Variants in TSPAN15 observed in about 807,000 individuals in gnomAD.
The protein encoded by TSPAN15 is tetraspanin-15.
TSPAN15 carries 20 observed loss-of-function variants against 34.5 expected under a neutral mutation model. That is an observed-to-expected ratio of 0.58 (90% CI 0.41 to 0.84). The LOEUF (loss-of-function observed/expected upper bound fraction) is 0.84, where lower values mean the gene tolerates loss of function less well. Ranked by LOEUF, TSPAN15 falls within the 40% of genes least tolerant of loss-of-function variation. The probability of loss-of-function intolerance (pLI) is 0.00; values close to 1 mark genes in which losing one functional copy is unlikely to be tolerated. For synonymous variants in TSPAN15, 155 were observed against 153.9 expected (o/e 1.01, Z -0.05); for missense variants, 313 against 386.1 (o/e 0.81, Z 1.59).
At chr10:69,517,090 C>A in the TSPAN15 span, among the ~76,000 whole-genome samples, 1 of 152,206 alleles carries the variant, frequency 6.6e-6, no homozygotes. Context: ...GCATCTAAGG[C>A]TTTCCAGGTG....
At chr10:69,510,434 A>G (rs1369655004), downstream of TSPAN15, among the ~76,000 whole-genome samples, 1 of 152,220 alleles carries the variant, frequency 6.6e-6, no homozygotes, top group Admixed American at 6.5e-5. Context: ...TTGTATCCTG[A>G]GACTTTGCTG....
the TSPAN15 span, among the ~76,000 whole-genome samples, chr10:69,533,356 G>GCATTCA: frequency 1.3e-5 from 2 of 152,214 alleles, no homozygotes; most frequent in Admixed American, 6.5e-5. Context: ...TGAATTAATG[G>GCATTCA]CATTCACAGC....
At chr10:69,502,045 G>A (rs1055438384) in intron 5 of TSPAN15, among the ~76,000 whole-genome samples, 1 of 146,088 alleles carries the variant, frequency 6.8e-6, no homozygotes, top group African/African-American at 2.5e-5. Context: ...CAGAAAGGTT[G>A]GAGACCACTG....
rs190094362 is a variant in TSPAN15, at chr10:69,488,963, C to T, written c.357+3748C>T. 3.7e-4 allele frequency among the ~76,000 whole-genome samples: 56 copies of T among 152,254 alleles called. 2 individuals are homozygous for T. In the East Asian group the frequency reaches 0.011, roughly 29 times the overall value. ...ATCTTAAACAACAGAAAACAGGGTT[C>T]GAGAGCAGAGAACCAGTCTGAACTC... On this transcript the variant is annotated intron_variant, in intron 3 of 7. Coordinates refer to ENST00000373290, the MANE Select transcript of TSPAN15 (RefSeq NM_012339.5).
the TSPAN15 span, among the ~76,000 whole-genome samples, chr10:69,515,199 G>C: frequency 1.3e-5 from 2 of 152,172 alleles, no homozygotes; most frequent in Admixed American, 1.3e-4. Context: ...CCTCTTATGA[G>C]TCTCAGTTGT....
intron 3 of TSPAN15, among the ~76,000 whole-genome samples, chr10:69,493,353 T>C (rs915129490): frequency 6.6e-6 from 1 of 152,194 alleles, no homozygotes; most frequent in Non-Finnish European, 1.5e-5. Flanking sequence ...ATCTCCTCTC[T>C]TCTCTTGGGG....
the TSPAN15 span, among the ~76,000 whole-genome samples, chr10:69,536,425 C>G: frequency 1.3e-5 from 2 of 152,142 alleles, no homozygotes; most frequent in African/African-American, 2.4e-5. Context: ...GGTGCCTGTC[C>G]CCAAGGGTTT....
At chr10:69,539,467 A>AAGAAGAAGG in the TSPAN15 span, among the ~76,000 whole-genome samples, 1 of 54,570 alleles carries the variant, frequency 1.8e-5, no homozygotes, top group African/African-American at 8.2e-5. Context: ...GAAGAAGGAG[A>AAGAAGAAGG]AGGAGAAGGA....
chr10:69,485,680 G>A (rs1364793558), intron 3 of TSPAN15, among the ~76,000 whole-genome samples: 1 of 152,152 alleles, frequency 6.6e-6, no homozygotes, highest in Non-Finnish European at 1.5e-5. Flanking sequence ...TATGTGGGAA[G>A]CGATGTGACC....
intron 3 of TSPAN15, among the ~76,000 whole-genome samples, chr10:69,494,413 C>T (rs895311028): frequency 1.3e-5 from 2 of 152,224 alleles, no homozygotes; most frequent in Non-Finnish European, 2.9e-5. Flanking sequence ...ATTTAAATCT[C>T]ACAACATCCC....
chr10:69,477,053 G>A (rs949354133), intron 1 of TSPAN15, among the ~76,000 whole-genome samples: 1 of 152,144 alleles, frequency 6.6e-6, no homozygotes, highest in Non-Finnish European at 1.5e-5. Context: ...GGGGATGTGG[G>A]AGAGAAGACT....
chr10:69,516,868 C>T, the TSPAN15 span, among the ~76,000 whole-genome samples: 1 of 152,110 alleles, frequency 6.6e-6, no homozygotes, highest in Admixed American at 6.5e-5. Context: ...GTGCCTGGGA[C>T]ATAAGGGGTG....
At chr10:69,540,529 G>A in the TSPAN15 span, among the ~76,000 whole-genome samples, 2 of 152,142 alleles carry the variant, frequency 1.3e-5, no homozygotes, top group African/African-American at 2.4e-5. Context: ...CATGAATTAC[G>A]AGATGAGGTC....
chr10:69,541,155 C>T, the TSPAN15 span, among the ~76,000 whole-genome samples: 3 of 152,128 alleles, frequency 2.0e-5, no homozygotes, highest in Non-Finnish European at 4.4e-5. Flanking sequence ...CCATGTCAAT[C>T]AGACAGTGAC....
chr10:69,493,470 CTTTTTTTTT>C (rs5785919), intron 3 of TSPAN15, among the ~76,000 whole-genome samples: 6 of 118,796 alleles, frequency 5.1e-5, no homozygotes, highest in South Asian at 2.8e-4. Flanking sequence ...AGCCCATCTC[CTTTTTTTTT>C]TTTTTTTTTT....
intron 6 of TSPAN15, chr10:69,505,900 G>A (rs1842315026): frequency 9.4e-6 from 4 of 424,888 alleles, no homozygotes; most frequent in Admixed American, 3.8e-5. Flanking sequence ...CTCGTTTGCT[G>A]GGGCAACCAA....
chr10:69,508,598 G>A (rs919428230), downstream of TSPAN15, among the ~76,000 whole-genome samples: 3 of 152,154 alleles, frequency 2.0e-5, no homozygotes, highest in African/African-American at 7.2e-5. Context: ...GTGTAAGAAG[G>A]GGCAGGAGGA....
At chr10:69,472,809 T>G (rs1254248057) in intron 1 of TSPAN15, among the ~76,000 whole-genome samples, 1 of 152,240 alleles carries the variant, frequency 6.6e-6, no homozygotes, top group Non-Finnish European at 1.5e-5. Flanking sequence ...CATTGTGAAC[T>G]GGCTTGGGCC....
At chr10:69,464,339 C>T (rs184361580) in intron 1 of TSPAN15, among the ~76,000 whole-genome samples, 4 of 152,278 alleles carry the variant, frequency 2.6e-5, no homozygotes, top group East Asian at 1.9e-4. Context: ...TGAGAACCAC[C>T]TTCCTTCTGT....
Sources: gnomAD v4.1 joint callset for allele counts (sites outside exome capture counted in the v4.1 genomes callset) on GRCh38, gnomAD v4.1.1 for gene constraint, MANE v1.5 for transcripts, NCBI Gene and HGNC (gene_info 2026-07-23, HGNC 2026-07-21) for gene names.